KCNAB2: variants seen among roughly 807,000 people sequenced by gnomAD.
The protein encoded by KCNAB2 is potassium voltage-gated channel subfamily A regulatory beta subunit 2.
A neutral mutation model predicts 63.6 loss-of-function variants in KCNAB2; 29 were observed. The ratio of observed to expected loss-of-function variants is 0.46; its 90% CI spans 0.34 to 0.62. KCNAB2 has a LOEUF of 0.62. KCNAB2 is among the 20% of genes least tolerant of loss of function. The pLI, the probability that KCNAB2 is intolerant of heterozygous loss-of-function variation, is 0.01. For synonymous variants in KCNAB2, 222 were observed against 224.2 expected (o/e 0.99, Z 0.09); for missense variants, 359 against 563.9 (o/e 0.64, Z 3.68).
At chr1:6,082,384 C>A in intron 5 of KCNAB2, 110 bp downstream of exon 5, 1 of 809,094 alleles carries the variant, frequency 1.2e-6, no homozygotes, top group East Asian at 2.5e-5. Context: ...ATGCACCTTG[C>A]ACCCTGCTTT....
At chr1:5,999,626 G>A (rs188908015) in intron 1 of KCNAB2, among the ~76,000 whole-genome samples, 12 of 152,268 alleles carry the variant, frequency 7.9e-5, no homozygotes, top group Admixed American at 5.9e-4. Context: ...GTGGCAGGGC[G>A]CCTTGTTAGT....
In KCNAB2 at chr1:6,090,543, G is replaced by A. The variant is rs542200222; in HGVS notation, c.601+68G>A. 8.0e-6 allele frequency: 10 copies of A among 1,256,718 alleles called. No homozygotes were observed. In the East Asian group the frequency reaches 2.0e-4, roughly 25 times the overall value. The allele number at this position is 1,256,718 out of a possible 1,614,324, so 77.8% of individuals were successfully genotyped here. A position where few individuals can be genotyped will look rare whatever the true frequency, so the allele number is the denominator to read the frequency against. On this transcript the variant is annotated intron_variant, in intron 9 of 15. Coordinates refer to ENST00000378083, the MANE Select transcript of KCNAB2 (RefSeq NM_001199862.2). Reference sequence around the variant, plus strand: ...GTCTGAAGGGTCTGAACCTGGGGTTGTAGAGGCCGCCAGCATGGGCCCTGC... The same window carrying A: ...GTCTGAAGGGTCTGAACCTGGGGTTATAGAGGCCGCCAGCATGGGCCCTGC...
chr1:6,064,268 C>G (rs892849988), intron 2 of KCNAB2, among the ~76,000 whole-genome samples: 2 of 152,218 alleles, frequency 1.3e-5, no homozygotes, highest in Non-Finnish European at 2.9e-5. Context: ...CAGGACCCTG[C>G]CTTTGTAATA....
At chr1:6,082,794 C>T (rs920152768) in intron 5 of KCNAB2, among the ~76,000 whole-genome samples, 2 of 152,222 alleles carry the variant, frequency 1.3e-5, no homozygotes, top group African/African-American at 4.8e-5. Flanking sequence ...ATCCACTCTC[C>T]TGCATCGGGT....
rs1365474818 is a variant in KCNAB2 at position 6,028,057 on chromosome 1, T to C, written c.-52-12460T>C. On this transcript the variant is annotated intron_variant, in intron 1 of 16. Transcript: ENST00000341524. This position sits in a 1 kb window ranked among gnomAD's most constrained non-coding sequence, Gnocchi z 4.0. ...CCCTCTGGGGTGTCCTTCTGACAAA[T>C]GGGCCTTTCTTCCAGATCCCCATCA... Among the ~76,000 whole-genome samples the C allele has an allele frequency of 1.3e-5, 2 of 152,210 alleles. No individual in the cohort carries two copies. Among genetic ancestry groups the C allele is most frequent in the Non-Finnish European group, 2.9e-5 (2 of 68,024 alleles).
At chr1:6,025,548 G>A (rs1384689717) in intron 1 of KCNAB2, among the ~76,000 whole-genome samples, 1 of 152,176 alleles carries the variant, frequency 6.6e-6, no homozygotes, top group Admixed American at 6.5e-5. Context: ...GAAAAACCCC[G>A]CAGAGGGTGC....
chr1:6,030,519 A>ATGTG (rs750056486), upstream of KCNAB2, among the ~76,000 whole-genome samples: 109 of 147,666 alleles, frequency 7.4e-4, no homozygotes, highest in Non-Finnish European at 1.3e-3. Flanking sequence ...TTATGTATGT[A>ATGTG]TGTGTGTATG....
At chr1:6,066,144 G>A (rs1662731969) in intron 2 of KCNAB2, among the ~76,000 whole-genome samples, 1 of 152,222 alleles carries the variant, frequency 6.6e-6, no homozygotes, top group Non-Finnish European at 1.5e-5. Context: ...CCGGCGGCCA[G>A]CAGTCCCAGC....
rs1663403518 is a variant in KCNAB2, at chr1:6,073,508, A to G, written c.263-225A>G. Among the ~76,000 whole-genome samples the G allele has an allele frequency of 6.6e-6, 1 of 152,212 alleles. No homozygotes were observed. Among genetic ancestry groups the G allele is most frequent in the African/African-American group, 2.4e-5 (1 of 41,452 alleles). ...CAGACCTCCTGGACCCATAGCCAGC[A>G]GCCCGCTCTAGAGACTTTTGTCCCC... On this transcript the variant is annotated intron_variant, in intron 3 of 15. Coordinates refer to ENST00000378083, the MANE Select transcript of KCNAB2 (RefSeq NM_001199862.2). The surrounding 1 kb of genome is among the most constrained non-coding windows in gnomAD (Gnocchi z 5.7).
At chr1:6,027,955 C>A (rs1012797813) in intron 1 of KCNAB2, among the ~76,000 whole-genome samples, 1 of 152,248 alleles carries the variant, frequency 6.6e-6, no homozygotes, top group Non-Finnish European at 1.5e-5. Context: ...CCTCGCATTT[C>A]TTTGGCTGCA....
intron 4 of KCNAB2, among the ~76,000 whole-genome samples, chr1:6,079,716 G>A (rs1350743323): frequency 6.6e-6 from 1 of 152,184 alleles, no homozygotes; most frequent in Non-Finnish European, 1.5e-5. Flanking sequence ...GCTGGAGGCA[G>A]GGAGCGGGGA....
At chr1:6,053,391 G>A (rs754052727) in intron 2 of KCNAB2, among the ~76,000 whole-genome samples, 76 of 152,296 alleles carry the variant, frequency 5.0e-4, no homozygotes, top group East Asian at 1.6e-3. Flanking sequence ...GGTGTGGGGG[G>A]CAGAGAAGCA....
chr1:6,072,138 G>A (rs748537205), intron 2 of KCNAB2, among the ~76,000 whole-genome samples: 17 of 152,210 alleles, frequency 1.1e-4, no homozygotes, highest in African/African-American at 2.2e-4. Context: ...GAAGGAGCCC[G>A]GGCAGCTGTG....
At chr1:6,043,352 C>G (rs1344074821), upstream of KCNAB2, among the ~76,000 whole-genome samples, 1 of 152,148 alleles carries the variant, frequency 6.6e-6, no homozygotes, top group Non-Finnish European at 1.5e-5. Flanking sequence ...ATCCAGTGAC[C>G]AAGTGAGAGC....
At chr1:6,008,051 C>T (rs1317671416) in intron 1 of KCNAB2, among the ~76,000 whole-genome samples, 1 of 152,120 alleles carries the variant, frequency 6.6e-6, no homozygotes, top group Non-Finnish European at 1.5e-5. Context: ...TGAGTGAGGG[C>T]CAGGAGCACT....
chr1:6,068,147 G>C (rs1220818712), intron 2 of KCNAB2, among the ~76,000 whole-genome samples: 1 of 152,226 alleles, frequency 6.6e-6, no homozygotes, highest in Admixed American at 6.5e-5. Context: ...GTTAAAAGCG[G>C]GACTATTTCT....
chr1:6,068,548 C>T (rs1571013615), intron 2 of KCNAB2, among the ~76,000 whole-genome samples: 1 of 152,172 alleles, frequency 6.6e-6, no homozygotes, highest in South Asian at 2.1e-4. Flanking sequence ...GCTGCTGTCA[C>T]GGCGGGAGGG....
intron 1 of KCNAB2, among the ~76,000 whole-genome samples, 174 bp from the exon 2 acceptor site, chr1:6,051,337 A>G (rs1468856005): frequency 1.3e-5 from 2 of 152,206 alleles, no homozygotes; most frequent in Non-Finnish European, 2.9e-5. Flanking sequence ...TGAGAATCTC[A>G]TGCCAAGAGG....
rs1461330200 is a variant in KCNAB2, at chr1:6,099,977, G to A, written c.*1403G>A. 4 of 1,548,706 alleles carry A rather than the reference G, an allele frequency of 2.6e-6. No homozygotes were observed. The highest frequency in any genetic ancestry group is 1.7e-6 in the Non-Finnish European group (2 of 1,146,188). On this transcript the variant is annotated 3_prime_UTR_variant, in exon 16 of 16. Transcript: ENST00000378083. The stretch of plus-strand genomic sequence containing the variant: ...TACCCAGGCTTTGCAGACCACGCGG[G>A]GCAGGGCTCCACTGAAGCCACCCCC...
Sources: gnomAD v4.1 joint callset for allele counts (sites outside exome capture counted in the v4.1 genomes callset) on GRCh38, gnomAD v4.1.1 for gene constraint, Gnocchi (gnomAD v3.1) non-coding constraint, MANE v1.5 for transcripts, NCBI Gene and HGNC (gene_info 2026-07-23, HGNC 2026-07-21) for gene names.